Variants in ELAPOR1 observed in about 807,000 individuals in gnomAD.
ELAPOR1 encodes the protein endosome/lysosome-associated apoptosis and autophagy regulator 1.
A neutral mutation model predicts 119.7 loss-of-function variants in ELAPOR1; 77 were observed. The ratio of observed to expected loss-of-function variants is 0.64; its 90% CI spans 0.54 to 0.78. ELAPOR1 has a LOEUF of 0.78. ELAPOR1 is among the 30% of genes least tolerant of loss of function. The pLI is 0.00. For synonymous variants in ELAPOR1, 481 were observed against 487.2 expected (o/e 0.99, Z 0.17); for missense variants, 1,115 against 1,270.4 (o/e 0.88, Z 1.86).
chr1:109,144,061 A>ATATATATATATTTTTTT, intron 1 of ELAPOR1, among the ~76,000 whole-genome samples: 2 of 89,018 alleles, frequency 2.2e-5, no homozygotes, highest in Admixed American at 1.3e-4. Context: ...ATATTTATAT[A>ATATATATATATTTTTTT]TTTTTTTTTT....
intron 7 of ELAPOR1, among the ~76,000 whole-genome samples, chr1:109,176,362 C>A (rs932288476): frequency 3.3e-5 from 5 of 152,264 alleles, no homozygotes; most frequent in African/African-American, 4.8e-5. Flanking sequence ...GAAACACTCA[C>A]AACTATTCTA....
intron 1 of ELAPOR1, among the ~76,000 whole-genome samples, chr1:109,119,249 T>G (rs1469204100): frequency 6.7e-6 from 1 of 149,956 alleles, no homozygotes; most frequent in African/African-American, 2.5e-5. Context: ...AAGGCTGGAA[T>G]GTGGTGGTGC....
intron 3 of ELAPOR1, among the ~76,000 whole-genome samples, chr1:109,170,717 G>T (rs1353582482): frequency 6.6e-6 from 1 of 152,220 alleles, no homozygotes; most frequent in Non-Finnish European, 1.5e-5. Flanking sequence ...GAGTGCCATG[G>T]TCAGACGTCT....
Position 109,189,665 on chromosome 1 carries a change from G to A in ELAPOR1, c.1422G>A (p.Leu474=), listed in dbSNP as rs1441089607. Reference sequence around the variant, plus strand: ...ACAATGACTTCATGATTCTCACTCTGGTTGTGCCAGGATTTAGGTGAGGAA... The same window carrying A: ...ACAATGACTTCATGATTCTCACTCTAGTTGTGCCAGGATTTAGGTGAGGAA... ...ASDNDFMILT[L]VVPGFRPPQS... Residue 474 remains leucine (L), a synonymous_variant, in exon 11 of 22, where the codon CTG becomes CTA. Transcript: ENST00000369939. 1.2e-6 allele frequency: 2 copies of A among 1,614,032 alleles called. No individual in the cohort carries two copies. Among genetic ancestry groups the A allele is most frequent in the African/African-American group, 2.7e-5 (2 of 75,034 alleles).
rs375903471 is a variant in ELAPOR1 at position 109,160,049 on chromosome 1, C to T, written c.154-1845C>T. On this transcript the variant is annotated intron_variant, in intron 1 of 21. Transcript: ENST00000369939. ...ACAAGAATTATTGGGAAAAATAGAC[C>T]CAGAGAGGGCACAAAGAATTCCCAT... Among the ~76,000 whole-genome samples the T allele has an allele frequency of 1.8e-4, 27 of 151,998 alleles. No individual in the cohort carries two copies. The South Asian group carries it at 5.0e-3, about 28-fold the overall frequency.
chr1:109,199,451 G>T (rs909616887), intron 18 of ELAPOR1, among the ~76,000 whole-genome samples: 1 of 152,192 alleles, frequency 6.6e-6, no homozygotes, highest in Non-Finnish European at 1.5e-5. Context: ...CATACCGGAA[G>T]TTCATTCCTG....
chr1:109,170,874 A>G (rs2101056364), intron 3 of ELAPOR1, among the ~76,000 whole-genome samples: 1 of 152,066 alleles, frequency 6.6e-6, no homozygotes, highest in Admixed American at 6.5e-5. Context: ...GGATAGAGTG[A>G]ACACGTATTT....
intron 11 of ELAPOR1, 86 bp from the exon 12 acceptor site, chr1:109,191,280 C>A: frequency 1.2e-6 from 1 of 867,840 alleles, no homozygotes; most frequent in Non-Finnish European, 1.9e-6. Flanking sequence ...TAACCCTGTC[C>A]CCCAGCAGAC....
chr1:109,189,650 C>T lies in ELAPOR1; in HGVS notation c.1407C>T (p.Phe469=), dbSNP rs368348180. 6.2e-7 allele frequency: 1 copy of T among 1,614,144 alleles called. No individual in the cohort carries two copies. The change falls in exon 11 of 22, where the codon TTC becomes TTT. Residue 469 remains phenylalanine, a synonymous_variant. Transcript: ENST00000369939. ...YTAAGASDND[F]MILTLVVPGF... is the part of the protein sequence containing the mutation. ...CTGCTGGAGCCTCAGACAATGACTT[C>T]ATGATTCTCACTCTGGTTGTGCCAG...
At chr1:109,189,734 TC>T in intron 11 of ELAPOR1, 52 bp downstream of exon 11, 1 of 1,407,778 alleles carries the variant, frequency 7.1e-7, no homozygotes, top group Non-Finnish European at 1.0e-6. Flanking sequence ...CATATCCGAA[TC>T]CCACGTATTT....
intron 1 of ELAPOR1, among the ~76,000 whole-genome samples, chr1:109,131,194 T>G (rs1649131401): frequency 6.6e-6 from 1 of 152,174 alleles, no homozygotes. Context: ...AAGCATGGCC[T>G]CCTCCATTGG....
intron 13 of ELAPOR1, 74 bp downstream of exon 13, chr1:109,191,937 G>A: frequency 6.5e-7 from 1 of 1,549,864 alleles, no homozygotes; most frequent in Non-Finnish European, 8.8e-7. Context: ...ATTAGCTTAA[G>A]TATGAGTGTG....
chr1:109,196,084 G>C (rs988475436), intron 15 of ELAPOR1, among the ~76,000 whole-genome samples: 2 of 151,982 alleles, frequency 1.3e-5, no homozygotes, highest in African/African-American at 4.8e-5. Context: ...TGAACCCAGG[G>C]GGCGGAGATT....
intron 1 of ELAPOR1, among the ~76,000 whole-genome samples, chr1:109,148,116 C>T (rs1353961129): frequency 1.1e-4 from 16 of 151,400 alleles, no homozygotes; most frequent in Non-Finnish European, 1.9e-4. Flanking sequence ...GGATTACAGG[C>T]GTGAGCCACC....
rs868790080 is a variant in ELAPOR1 at position 109,165,777 on chromosome 1, C to T, written c.467+1086C>T. 7.4e-5 allele frequency among the ~76,000 whole-genome samples: 11 copies of T among 148,240 alleles called. No homozygotes were observed. In the South Asian group the frequency reaches 1.1e-3, roughly 14 times the overall value. On this transcript the variant is annotated intron_variant, in intron 3 of 21. Coordinates refer to ENST00000369939, the MANE Select transcript of ELAPOR1 (RefSeq NM_020775.5). Reference sequence around the variant, plus strand: ...TTTTTTTTTTTGAGACAGAGTCTCACTCTGTCGCCCAGGCTGGAGTGCAGT... The same window carrying T: ...TTTTTTTTTTTGAGACAGAGTCTCATTCTGTCGCCCAGGCTGGAGTGCAGT...
At chr1:109,158,435 A>G (rs1480557357) in intron 1 of ELAPOR1, among the ~76,000 whole-genome samples, 1 of 151,988 alleles carries the variant, frequency 6.6e-6, no homozygotes, top group Non-Finnish European at 1.5e-5. Flanking sequence ...CAGATCAGTC[A>G]ATACAGGCAA....
chr1:109,144,123 G>A (rs1342971551), intron 1 of ELAPOR1, among the ~76,000 whole-genome samples: 10 of 136,578 alleles, frequency 7.3e-5, no homozygotes, highest in Middle Eastern at 4.5e-3. Context: ...GCAATAGCAC[G>A]ATCTTGGCTC....
intron 1 of ELAPOR1, among the ~76,000 whole-genome samples, chr1:109,151,788 A>C (rs914787103): frequency 6.6e-6 from 1 of 152,004 alleles, no homozygotes; most frequent in Admixed American, 6.5e-5. Flanking sequence ...CAGGCAAAGA[A>C]GCATTTGTAA....
At chr1:109,163,567 A>T (rs966802202) in intron 2 of ELAPOR1, among the ~76,000 whole-genome samples, 7 of 147,842 alleles carry the variant, frequency 4.7e-5, no homozygotes, top group Non-Finnish European at 7.5e-5. Flanking sequence ...TAATTTAAAC[A>T]TTTTTTTTTT....
Sources: allele counts gnomAD v4.1 joint callset (sites outside exome capture counted in the v4.1 genomes callset), GRCh38; gene constraint gnomAD v4.1.1; transcripts MANE v1.5; gene names NCBI Gene and HGNC (gene_info 2026-07-23, HGNC 2026-07-21).